The following PLA2G4B variants were observed in gnomAD, a reference collection of about 807,000 sequenced individuals.
The protein encoded by PLA2G4B is cytosolic phospholipase A2 beta.
A neutral mutation model predicts 95.8 loss-of-function variants in PLA2G4B; 122 were observed. The ratio of observed to expected loss-of-function variants is 1.27; its 90% CI spans 1.10 to 1.48. The LOEUF (loss-of-function observed/expected upper bound fraction) is 1.48. PLA2G4B is among the 40% of genes most tolerant of loss of function. PLA2G4B has a pLI of 0.00. For missense variants in PLA2G4B, 1,158 were observed against 996.2 expected (o/e 1.16, Z -2.19); for synonymous variants, 518 against 421.5 (o/e 1.23, Z -2.80).
chr15:41,840,338 G>A (rs2065403797), intron 2 of PLA2G4B, 108 bp downstream of exon 2: 2 of 1,571,480 alleles, frequency 1.3e-6, no homozygotes, highest in African/African-American at 1.3e-5. Context: ...CCGGTGGGCA[G>A]GGCCTAGAGG....
Position 41,841,507 on chromosome 15 carries a change from C to T in PLA2G4B, c.436-10C>T. The stretch of plus-strand genomic sequence containing the variant: ...GGGTTAGTGTCTGAGGGGCTGTCTT[C>T]ATGACTCAGGCCCGGGAGCTCTCCT... On this transcript the variant is annotated splice_polypyrimidine_tract_variant and intron_variant, in intron 6 of 19. Transcript: ENST00000458483. 6.2e-7 allele frequency: 1 copy of T among 1,614,080 alleles called. No homozygotes were observed. The highest frequency in any genetic ancestry group is 8.5e-7 in the Non-Finnish European group (1 of 1,180,000).
chr15:41,846,495 T>A lies in PLA2G4B; in HGVS notation c.1780+113T>A, dbSNP rs886251562. On this transcript the variant is annotated intron_variant, in intron 17 of 19. Coordinates refer to ENST00000458483, the MANE Select transcript of PLA2G4B (RefSeq NM_001114633.2). ...CTGCTTTGAGCTTGATTCCCTGGAC[T>A]ACTTGGAACAGGGGTCTTTTTCTCC... 565 of 1,510,756 alleles carry A rather than the reference T, an allele frequency of 3.7e-4. 1 individual carries two copies. The highest frequency in any genetic ancestry group is 4.8e-4 in the Non-Finnish European group (544 of 1,122,654). The allele number at this position is 1,510,756 out of a possible 1,614,324, so 93.6% of individuals were successfully genotyped here.
chr15:41,840,291 G>A (rs1187114521), intron 2 of PLA2G4B, 61 bp downstream of exon 2: 15 of 1,602,278 alleles, frequency 9.4e-6, no homozygotes, highest in East Asian at 2.2e-5. Context: ...TGCTGAGGAG[G>A]AGGGTGCTGT....
At chr15:41,842,091 G>A (rs947376318) in intron 8 of PLA2G4B, 102 bp from the exon 9 acceptor site, 121 of 1,571,532 alleles carry the variant, frequency 7.7e-5, no homozygotes, top group Admixed American at 1.1e-4. Context: ...TCCCCTTCCC[G>A]TCCCTCCCAT....
Position 41,848,045 on chromosome 15 carries a change from A to T in PLA2G4B, c.*185A>T. Reference sequence around the variant, plus strand: ...GCAGTGGGGTAAGGAGGCCAAGCCCATTTGTGTAATCACCCAAAACCCCCC... The same window carrying T: ...GCAGTGGGGTAAGGAGGCCAAGCCCTTTTGTGTAATCACCCAAAACCCCCC... On this transcript the variant is annotated 3_prime_UTR_variant, in exon 20 of 20. Coordinates refer to ENST00000458483, the MANE Select transcript of PLA2G4B (RefSeq NM_001114633.2). 1 of 768,974 alleles carries T rather than the reference A, an allele frequency of 1.3e-6. No homozygotes were observed. The highest frequency in any genetic ancestry group is 2.0e-6 in the Non-Finnish European group (1 of 491,484). 47.6% of individuals were successfully genotyped at this position (768,974 alleles called of 1,614,324 possible).
intron 11 of PLA2G4B, 45 bp downstream of exon 11, chr15:41,843,856 C>A (rs1183185061): frequency 6.2e-7 from 1 of 1,603,148 alleles, no homozygotes; most frequent in African/African-American, 1.3e-5. Flanking sequence ...CTTGCTTGGG[C>A]CTAGCTCCTG....
intron 14 of PLA2G4B, 46 bp from the exon 15 acceptor site, chr15:41,845,592 G>C (rs1284455100): frequency 1.2e-6 from 2 of 1,610,282 alleles, no homozygotes; most frequent in East Asian, 4.5e-5. Flanking sequence ...GGGTGTGGGT[G>C]CCTAAGGGCT....
At chr15:41,840,483 A>G (rs771593498) in intron 2 of PLA2G4B, 41 bp from the exon 3 acceptor site, 1 of 1,612,294 alleles carries the variant, frequency 6.2e-7, no homozygotes, top group Non-Finnish European at 8.5e-7. Flanking sequence ...GCGGCTGGGA[A>G]GGGCTCTTGT....
chr15:41,845,766 T>C lies in PLA2G4B; in HGVS notation c.1486T>C (p.Phe496Leu). 1 of 1,599,782 alleles carries C rather than the reference T, an allele frequency of 6.3e-7. No homozygotes were observed. The highest frequency in any genetic ancestry group is 1.1e-5 in the South Asian group (1 of 89,186). The change falls in exon 15 of 20, where the codon TTC (phenylalanine) becomes CTC (leucine). Residue 496 changes from phenylalanine (F) to leucine (L), a missense_variant. Coordinates refer to ENST00000458483, the MANE Select transcript of PLA2G4B (RefSeq NM_001114633.2). The part of the protein sequence containing the change: ...MKRLPESRIC[F>L]LEGIWSNLYA... Reference sequence around the variant, plus strand: ...GAGGCTTCCTGAGTCCCGCATCTGCTTCTTAGAAGGTGAGGGGCACTGGCA... The same window carrying C: ...GAGGCTTCCTGAGTCCCGCATCTGCCTCTTAGAAGGTGAGGGGCACTGGCA...
At chr15:41,847,271 G>A (rs1048007959) in intron 18 of PLA2G4B, 66 bp from the exon 19 acceptor site, 55 of 1,521,534 alleles carry the variant, frequency 3.6e-5, no homozygotes, top group African/African-American at 2.5e-4. Flanking sequence ...TGCATCTTAC[G>A]TCAGCCCCAG....
Position 41,846,840 on chromosome 15 carries a change from G to C in PLA2G4B, c.1947+5G>C, listed in dbSNP as rs890508. On this transcript the variant is annotated splice_donor_5th_base_variant and intron_variant, in intron 18 of 19. Coordinates refer to ENST00000458483, the MANE Select transcript of PLA2G4B (RefSeq NM_001114633.2). ...AACCTCCACGGAGCCTTCCAGGTTG[G>C]GAAGGGTGGGCAGCCCACCAGGGAG... 1.9e-6 allele frequency: 3 copies of C among 1,604,496 alleles called. No homozygotes were observed. In the African/African-American group the frequency reaches 4.0e-5, roughly 21 times the overall value.
At chr15:41,846,558 G>T (rs919381849) in intron 17 of PLA2G4B, 111 bp from the exon 18 acceptor site, 31 of 1,514,200 alleles carry the variant, frequency 2.0e-5, no homozygotes, top group Middle Eastern at 3.6e-4. Context: ...CAGGGCTGTG[G>T]GGGTGTTGGT....
rs146755343 is a variant in PLA2G4B, at chr15:41,844,533, G to A, written c.942G>A (p.Gly314=). The part of the protein sequence containing the change: ...GGIRAMTSLY[G]QLAGLKELGL... Reference sequence around the variant, plus strand: ...TCCGGGCAATGACTTCCCTGTATGGGCAGCTGGCTGGCCTGAAGGAGCTGG... The same window carrying A: ...TCCGGGCAATGACTTCCCTGTATGGACAGCTGGCTGGCCTGAAGGAGCTGG... Residue 314 remains glycine, a synonymous_variant, in exon 12 of 20, where the codon GGG becomes GGA. Coordinates refer to ENST00000458483, the MANE Select transcript of PLA2G4B (RefSeq NM_001114633.2). 2.5e-6 allele frequency: 4 copies of A among 1,614,076 alleles called. No individual in the cohort carries two copies. The highest frequency in any genetic ancestry group is 2.7e-5 in the African/African-American group (2 of 74,914).
chr15:41,845,624 T>C lies in PLA2G4B; in HGVS notation c.1358-14T>C. 1 of 1,614,032 alleles carries C rather than the reference T, an allele frequency of 6.2e-7. No homozygotes were observed. Among genetic ancestry groups the C allele is most frequent in the Non-Finnish European group, 8.5e-7 (1 of 1,179,962 alleles). On this transcript the variant is annotated splice_polypyrimidine_tract_variant and intron_variant, in intron 14 of 19. Coordinates refer to ENST00000458483, the MANE Select transcript of PLA2G4B (RefSeq NM_001114633.2). Reference sequence around the variant, plus strand: ...GGCTCTGCACCATGAGGCTGAGGCGTGGACTCCTCACAGAGTGGTGCGAGT... The same window carrying C: ...GGCTCTGCACCATGAGGCTGAGGCGCGGACTCCTCACAGAGTGGTGCGAGT...
Position 41,847,871 on chromosome 15 carries a change from C to T in PLA2G4B, c.*11C>T, listed in dbSNP as rs2065604729. The T allele has an allele frequency of 3.7e-6, 6 of 1,609,242 alleles. No homozygotes were observed. In the South Asian group the frequency reaches 5.5e-5, roughly 15 times the overall value. ...CGCAGGCCCCACTGATGGCCGGGGCCCCTGCCACCCCTAACTCTCATTCAT... is the reference window on the plus strand; with the variant it reads ...CGCAGGCCCCACTGATGGCCGGGGCTCCTGCCACCCCTAACTCTCATTCAT... On this transcript the variant is annotated 3_prime_UTR_variant, in exon 20 of 20. Coordinates refer to ENST00000458483, the MANE Select transcript of PLA2G4B (RefSeq NM_001114633.2).
At chr15:41,840,430 T>A in intron 2 of PLA2G4B, 94 bp from the exon 3 acceptor site, 1 of 1,604,556 alleles carries the variant, frequency 6.2e-7, no homozygotes, top group Non-Finnish European at 8.5e-7. Context: ...CCCTCAGTCT[T>A]AACCCACATG....
intron 18 of PLA2G4B, 103 bp from the exon 19 acceptor site, chr15:41,847,234 G>GT: frequency 6.7e-7 from 1 of 1,484,476 alleles, no homozygotes. Flanking sequence ...ACTGGAGACC[G>GT]TTTTGGCATT....
Position 41,845,066 on chromosome 15 carries a change from A to G in PLA2G4B, c.1235A>G (p.Asp412Gly). The G allele has an allele frequency of 6.3e-7, 1 of 1,597,980 alleles. No homozygotes were observed. Among genetic ancestry groups the G allele is most frequent in the Non-Finnish European group, 8.5e-7 (1 of 1,171,286 alleles). ...WALINEALLH[D>G]EPHDHKLSDQ... The stretch of plus-strand genomic sequence containing the variant: ...CTCATCAACGAGGCGCTGCTGCATG[A>G]TGAGGTGCGGGGGCTGCGGCCTGGG... Residue 412 changes from aspartate to glycine, a missense_variant, in exon 13 of 20, where the codon GAT becomes GGT. Physicochemically the swap from Asp to Gly is moderately conservative, Grantham distance 94 (BLOSUM62 -1). Transcript: ENST00000458483.
At position 41,841,555 on chromosome 15, in the gene PLA2G4B, G is replaced by C. The variant is rs1456992513; in HGVS notation, c.474G>C (p.Glu158Asp). The change falls in exon 7 of 20, where the codon GAG becomes GAC. Residue 158 changes from glutamate to aspartate, a missense_variant. Transcript: ENST00000458483. ...ELSCLHVQLE[E>D]TGDQKSSEHR... Reference sequence around the variant, plus strand: ...CCTGCTTGCACGTTCAACTGGAGGAGACAGGAGACCAGAAGTGTGAGTCCC... The same window carrying C: ...CCTGCTTGCACGTTCAACTGGAGGACACAGGAGACCAGAAGTGTGAGTCCC... 5.0e-6 allele frequency: 8 copies of C among 1,614,058 alleles called. No homozygotes were observed. Among genetic ancestry groups the C allele is most frequent in the Non-Finnish European group, 6.8e-6 (8 of 1,180,000 alleles).
Sources: gnomAD v4.1 joint callset for allele counts on GRCh38, gnomAD v4.1.1 for gene constraint, MANE v1.5 for transcripts, NCBI Gene and HGNC (gene_info 2026-07-23, HGNC 2026-07-21) for gene names.